The following EPB41 variants were observed in gnomAD, a reference collection of about 807,000 sequenced individuals.
The protein encoded by EPB41 is erythrocyte membrane protein band 4.1.
In EPB41, 65 loss-of-function variants were observed where a neutral mutation model predicts 108.0. The observed-to-expected ratio is 0.60, with a 90% CI of 0.49 to 0.74. The LOEUF is 0.74. Among genes scored for constraint, EPB41 ranks in the 30% least tolerant of loss-of-function variants. EPB41 has a pLI of 0.00. For missense variants in EPB41, 875 were observed against 1,037.0 expected, an observed-to-expected ratio of 0.84 and a Z score of 2.15; for synonymous variants, 336 against 358.9, an observed-to-expected ratio of 0.94 and a Z score of 0.72.
intron 1 of EPB41, among the ~76,000 whole-genome samples, chr1:28,940,263 A>G (rs1262060271): frequency 6.6e-6 from 1 of 152,250 alleles, no homozygotes; most frequent in South Asian, 2.1e-4. Context: ...TTAAACTTAG[A>G]TAACTAACGT....
chr1:29,033,006 G>C, intron 8 of EPB41, 87 bp from the exon 9 acceptor site: 1 of 1,286,736 alleles, frequency 7.8e-7, no homozygotes, highest in Non-Finnish European at 1.1e-6. Flanking sequence ...ACTGTTTTTG[G>C]TTGTTATCTT....
At chr1:29,081,705 C>G (rs984833399) in intron 16 of EPB41, among the ~76,000 whole-genome samples, 1 of 151,982 alleles carries the variant, frequency 6.6e-6, no homozygotes, top group Non-Finnish European at 1.5e-5. Context: ...TGTGGTGGCA[C>G]ATGCCGGTAA....
intron 1 of EPB41, among the ~76,000 whole-genome samples, chr1:28,980,024 A>C (rs1181093994): frequency 6.6e-6 from 1 of 152,216 alleles, no homozygotes. Flanking sequence ...TGGCCACACA[A>C]TACAGCAAGG....
rs749393403 is a variant in EPB41, at chr1:29,035,938, T to A, written c.1463+15T>A. 1.1e-5 allele frequency: 17 copies of A among 1,562,694 alleles called. No individual in the cohort carries two copies. In the South Asian group the frequency reaches 1.9e-4, roughly 17 times the overall value. On this transcript the variant is annotated intron_variant, in intron 10 of 20. Transcript: ENST00000343067. ...ACGTTTTTCAGGTATTATTCTCACT[T>A]AAGTATTTTTCAAGGATAAATTATT... is the stretch of plus-strand genomic sequence containing the variant.
chr1:29,096,196 A>C (rs1315918222), intron 16 of EPB41: 9 of 985,712 alleles, frequency 9.1e-6, no homozygotes, highest in Non-Finnish European at 9.6e-6. Flanking sequence ...CTGTCGTGAC[A>C]AAGGGGCCAT....
chr1:28,946,201 CTT>C (rs1013041638), intron 1 of EPB41, among the ~76,000 whole-genome samples: 1 of 145,460 alleles, frequency 6.9e-6, no homozygotes. Context: ...ACTTCAACTT[CTT>C]TTTTTTTTTT....
intron 1 of EPB41, among the ~76,000 whole-genome samples, chr1:28,917,244 C>G (rs1175648577): frequency 1.3e-5 from 2 of 151,496 alleles, no homozygotes; most frequent in Non-Finnish European, 2.9e-5. Flanking sequence ...TGCCATCTCT[C>G]TCTCTGTGTG....
intron 6 of EPB41, 36 bp downstream of exon 6, chr1:29,015,803 A>G (rs368425728): frequency 2.3e-6 from 3 of 1,330,050 alleles, no homozygotes; most frequent in Non-Finnish European, 3.2e-6. Context: ...AATTTATCAT[A>G]TAATAATGTG....
Position 28,987,623 on chromosome 1 carries a change from A to T in EPB41, c.186A>T (p.Thr62=), listed in dbSNP as rs2095898519. The T allele has an allele frequency of 6.2e-7, 1 of 1,614,236 alleles. No homozygotes were observed. Among genetic ancestry groups the T allele is most frequent in the East Asian group, 2.2e-5 (1 of 44,882 alleles). Residue 62 remains threonine, a synonymous_variant, in exon 2 of 21, where the codon ACA becomes ACT. Coordinates refer to ENST00000343067, the MANE Select transcript of EPB41 (RefSeq NM_001376013.1). ...AAGCTTCTAATGGAGACACTCCTAC[A>T]CATGAAGACTTGACCAAGAACAAGG... ...KLKASNGDTP[T]HEDLTKNKER...
At chr1:29,110,644 T>A (rs530385837) in intron 18 of EPB41, among the ~76,000 whole-genome samples, 1 of 152,324 alleles carries the variant, frequency 6.6e-6, no homozygotes, top group East Asian at 1.9e-4. Context: ...TTTTAATAGG[T>A]AAGAAATATA....
At chr1:29,109,194 G>A (rs571050135) in intron 17 of EPB41, 142 bp from the exon 18 acceptor site, 53 of 697,284 alleles carry the variant, frequency 7.6e-5, no homozygotes, top group African/African-American at 1.3e-4. Context: ...GTGAAACTCC[G>A]TCTCAAAAAA....
At chr1:29,082,925 G>C (rs1268692032) in intron 16 of EPB41, among the ~76,000 whole-genome samples, 1 of 152,108 alleles carries the variant, frequency 6.6e-6, no homozygotes, top group Non-Finnish European at 1.5e-5. Context: ...AATTATCATT[G>C]GCTAATTTCA....
intron 1 of EPB41, among the ~76,000 whole-genome samples, chr1:28,947,830 G>A (rs2094543570): frequency 6.6e-6 from 1 of 152,152 alleles, no homozygotes; most frequent in Non-Finnish European, 1.5e-5. Flanking sequence ...ACAAACAGCA[G>A]TTATTCTAGA....
At chr1:28,918,297 C>G (rs1156960383) in intron 1 of EPB41, among the ~76,000 whole-genome samples, 1 of 151,964 alleles carries the variant, frequency 6.6e-6, no homozygotes, top group African/African-American at 2.4e-5. Flanking sequence ...CGTGATCTGC[C>G]CACGTCCGCC....
chr1:28,899,867 T>C (rs891063374), intron 1 of EPB41, among the ~76,000 whole-genome samples: 1 of 152,198 alleles, frequency 6.6e-6, no homozygotes, highest in Admixed American at 6.5e-5. Flanking sequence ...AGAGAGACTT[T>C]GGTTTAAATC....
intron 1 of EPB41, among the ~76,000 whole-genome samples, chr1:28,934,758 G>A (rs1200757763): frequency 6.7e-6 from 1 of 149,406 alleles, no homozygotes; most frequent in East Asian, 2.0e-4. Context: ...GGCTCATCTT[G>A]CATATTTCCT....
At chr1:28,901,607 C>T (rs1036384710) in intron 1 of EPB41, among the ~76,000 whole-genome samples, 3 of 151,888 alleles carry the variant, frequency 2.0e-5, no homozygotes, top group African/African-American at 7.3e-5. Flanking sequence ...GATCTTGGCT[C>T]ACTGCAATCT....
intron 1 of EPB41, among the ~76,000 whole-genome samples, chr1:28,943,258 GA>G (rs2094366268): frequency 6.6e-6 from 1 of 152,126 alleles, no homozygotes; most frequent in Non-Finnish European, 1.5e-5. Flanking sequence ...AAAAATTTGT[GA>G]AAGATTCGAA....
intron 4 of EPB41, among the ~76,000 whole-genome samples, chr1:29,006,559 A>G (rs1316217335): frequency 1.3e-5 from 2 of 151,982 alleles, no homozygotes; most frequent in Non-Finnish European, 2.9e-5. Context: ...AAAAGTGAAC[A>G]CATCTGTATA....
Sources: allele counts gnomAD v4.1 joint callset (sites outside exome capture counted in the v4.1 genomes callset), GRCh38; gene constraint gnomAD v4.1.1; transcripts MANE v1.5; gene names NCBI Gene and HGNC (gene_info 2026-07-23, HGNC 2026-07-21).